The following DAO variants were observed in gnomAD, a reference collection of about 807,000 sequenced individuals.
The protein encoded by DAO is D-amino-acid oxidase.
DAO carries 51 observed loss-of-function variants against 50.1 expected under a neutral mutation model. The ratio of observed to expected loss-of-function variants is 1.02; its 90% CI spans 0.81 to 1.29. The LOEUF is 1.29. Among genes scored for constraint, DAO ranks in the 50% most tolerant of loss-of-function variants. The probability of loss-of-function intolerance (pLI) is 0.00; values close to 1 mark genes in which losing one functional copy is unlikely to be tolerated. For missense variants in DAO, 436 were observed against 439.4 expected, an observed-to-expected ratio of 0.99 and a Z score of 0.07; for synonymous variants, 160 against 166.2, an observed-to-expected ratio of 0.96 and a Z score of 0.29.
In DAO at chr12:108,895,601, G is replaced by GGT. The variant is rs758373546; in HGVS notation, c.612+1246_612+1247dup. ...GTGAGAGTGTATGTACGTGTGTGAT[G>GGT]GTGTGTGTGTGTGAGAGTATGTATG... On this transcript the variant is annotated intron_variant, in intron 7 of 10. Coordinates refer to ENST00000228476, the MANE Select transcript of DAO (RefSeq NM_001917.5). Among the ~76,000 whole-genome samples, 857 of 131,220 alleles carry GGT rather than the reference G, an allele frequency of 6.5e-3. 13 individuals carry two copies. The highest frequency in any genetic ancestry group is 0.023 in the African/African-American group (808 of 34,460). 86.1% of individuals were successfully genotyped at this position (131,220 alleles called of 152,430 possible). A position where few individuals can be genotyped will look rare whatever the true frequency, so the allele number is the denominator to read the frequency against.
intron 9 of DAO, 67 bp from the exon 10 acceptor site, chr12:108,899,310 C>T (rs1291646922): frequency 1.8e-6 from 2 of 1,139,054 alleles, no homozygotes; most frequent in East Asian, 2.5e-5. Flanking sequence ...AGCTAACTCC[C>T]TACTACCTAA....
rs6539459 is a variant in DAO, at chr12:108,889,950, A to G, written c.387-258A>G. On this transcript the variant is annotated intron_variant, in intron 4 of 10. Transcript: ENST00000228476. ...TCTGGTCTTCTCCTCACCCCACCCC[A>G]CACCACACCTGAATCCCCTCTACGA... Among the ~76,000 whole-genome samples, 3,954 of 151,800 alleles carry G rather than the reference A, an allele frequency of 0.026. 191 individuals carry two copies. The highest frequency in any genetic ancestry group is 0.092 in the African/African-American group (3,791 of 41,340).
intron 1 of DAO, among the ~76,000 whole-genome samples, chr12:108,884,181 C>T (rs115626160): frequency 0.026 from 3,929 of 152,352 alleles, 193 homozygotes; most frequent in African/African-American, 0.091. Flanking sequence ...CCAGACACTG[C>T]GTCTGTCATG....
rs762017824 is a variant in DAO, at chr12:108,900,457, T to C, written c.966T>C (p.Cys322=). 3 of 1,614,172 alleles carry C rather than the reference T, an allele frequency of 1.9e-6. No individual in the cohort carries two copies. The highest frequency in any genetic ancestry group is 2.5e-6 in the Non-Finnish European group (3 of 1,179,990). The change falls in exon 11 of 11, where the codon TGT becomes TGC. Residue 322 remains cysteine, a synonymous_variant. Transcript: ENST00000228476. ...ACGGGCTCACCATCCACTGGGGATG[T>C]GCCCTGGAGGCAGCCAAGCTCTTTG... ...GGYGLTIHWG[C]ALEAAKLFGR...
chr12:108,883,722 GC>G (rs2039405153), intron 1 of DAO: 1 of 433,898 alleles, frequency 2.3e-6, no homozygotes, highest in Non-Finnish European at 4.7e-6. Flanking sequence ...TGTCCCCTAA[GC>G]CCCAGTATCC....
chr12:108,888,711 G>A lies in DAO; in HGVS notation c.310-758G>A, dbSNP rs2039459209. Among the ~76,000 whole-genome samples, 3 of 152,096 alleles carry A rather than the reference G, an allele frequency of 2.0e-5. No individual in the cohort carries two copies. In the South Asian group the frequency reaches 6.3e-4, roughly 32 times the overall value. On this transcript the variant is annotated intron_variant, in intron 3 of 10. Coordinates refer to ENST00000228476, the MANE Select transcript of DAO (RefSeq NM_001917.5). ...TTCAAGTAGCAAGTGATGAGGCTGG[G>A]GTCTCTGACACTATGCTCTGTTGTC...
intron 10 of DAO, 154 bp downstream of exon 10, chr12:108,899,629 G>T: frequency 1.4e-6 from 1 of 715,766 alleles, no homozygotes; most frequent in Non-Finnish European, 2.5e-6. Context: ...TATAAATGGG[G>T]AAACTGAGGC....
intron 1 of DAO, among the ~76,000 whole-genome samples, chr12:108,884,631 T>C (rs1203085945): frequency 6.6e-6 from 1 of 152,174 alleles, no homozygotes. Flanking sequence ...AGCTGAGTCC[T>C]GAAGCCAGAG....
chr12:108,900,085 G>A (rs560854160), intron 10 of DAO: 2 of 376,906 alleles, frequency 5.3e-6, no homozygotes, highest in South Asian at 2.2e-5. Context: ...CTATGCTTCG[G>A]ATGAGGAAAC....
chr12:108,899,871 T>G (rs1445357232), intron 10 of DAO: 1 of 326,552 alleles, frequency 3.1e-6, no homozygotes, highest in Non-Finnish European at 5.9e-6. Flanking sequence ...ATTAATCGTG[T>G]GGCAGAGATG....
At chr12:108,894,412 C>A (rs1425324948) in intron 7 of DAO, 45 bp downstream of exon 7, 4 of 1,384,016 alleles carry the variant, frequency 2.9e-6, no homozygotes, top group South Asian at 2.4e-5. Flanking sequence ...ATAGGAAGAT[C>A]ATTCTGCATG....
intron 7 of DAO, among the ~76,000 whole-genome samples, chr12:108,894,733 A>T (rs1391394417): frequency 2.0e-5 from 3 of 151,944 alleles, no homozygotes; most frequent in Admixed American, 2.0e-4. Flanking sequence ...CATTGTTATT[A>T]TTATTTTTGA....
At chr12:108,881,289 A>G (rs2039375324) in intron 1 of DAO, among the ~76,000 whole-genome samples, 2 of 151,534 alleles carry the variant, frequency 1.3e-5, no homozygotes, top group South Asian at 4.1e-4. Context: ...GGAGAACGGC[A>G]ACACTAATAA....
rs772094370 is a variant in DAO, at chr12:108,899,403, T to A, written c.840T>A (p.Thr280=). The stretch of plus-strand genomic sequence containing the variant: ...ATGCAAGAATTATTGGTGAACGAAC[T>A]GGCTTCCGGCCAGTACGCCCCCAGA... The part of the protein sequence containing the change: ...LKNARIIGER[T]GFRPVRPQIR... The change falls in exon 10 of 11, where the codon ACT becomes ACA. Residue 280 remains threonine (T), a synonymous_variant. Transcript: ENST00000228476. 2.4e-5 allele frequency: 39 copies of A among 1,613,704 alleles called. No homozygotes were observed. In the Admixed American group the frequency reaches 6.0e-4, roughly 25 times the overall value.
chr12:108,899,989 T>C (rs752696519), intron 10 of DAO: 1 of 310,222 alleles, frequency 3.2e-6, no homozygotes, highest in Non-Finnish European at 6.2e-6. Flanking sequence ...GGATGTGTAC[T>C]TCGTGTCAGA....
In DAO at chr12:108,894,368, G is replaced by T. The variant is rs1429644462; in HGVS notation, c.612+1G>T. ...GCCAGGCCGGGGGCAGATCATGAAG[G>T]TGAGTGTGAGGGTGAGACCCCTACC... On this transcript the variant is annotated splice_donor_variant, in intron 7 of 10. Transcript: ENST00000228476. LOFTEE classifies it high-confidence loss of function. 1.9e-6 allele frequency: 3 copies of T among 1,610,888 alleles called. No individual in the cohort carries two copies. The highest frequency in any genetic ancestry group is 2.2e-5 in the East Asian group (1 of 44,840).
chr12:108,895,419 G>C (rs888695160), intron 7 of DAO, among the ~76,000 whole-genome samples: 6 of 150,540 alleles, frequency 4.0e-5, no homozygotes, highest in African/African-American at 1.5e-4. Context: ...GTGCATGTGT[G>C]TGAGGGTGTG....
At position 108,890,572 on chromosome 12, in the gene DAO, G is replaced by A. The variant is rs188561451; in HGVS notation, c.452+299G>A. On this transcript the variant is annotated intron_variant, in intron 5 of 10. Coordinates refer to ENST00000228476, the MANE Select transcript of DAO (RefSeq NM_001917.5). Reference sequence around the variant, plus strand: ...TAGATGTATTCTTTTAAGGTTTCCAGATACATTTACATCATCTGCAAAACA... The same window carrying A: ...TAGATGTATTCTTTTAAGGTTTCCAAATACATTTACATCATCTGCAAAACA... 8.5e-5 allele frequency among the ~76,000 whole-genome samples: 13 copies of A among 152,262 alleles called. No individual in the cohort carries two copies. The East Asian group carries it at 2.1e-3, about 25-fold the overall frequency.
chr12:108,889,109 ATT>A (rs5800839), intron 3 of DAO, among the ~76,000 whole-genome samples: 127 of 144,548 alleles, frequency 8.8e-4, no homozygotes, highest in African/African-American at 2.4e-3. Context: ...TGTCATTATC[ATT>A]TTTTTTTTTT....
Sources: allele counts gnomAD v4.1 joint callset (sites outside exome capture counted in the v4.1 genomes callset), GRCh38; gene constraint gnomAD v4.1.1; transcripts MANE v1.5; gene names NCBI Gene and HGNC (gene_info 2026-07-23, HGNC 2026-07-21).